The following AXDND1 variants were observed in gnomAD, a reference collection of about 807,000 sequenced individuals.
AXDND1 encodes axonemal dynein light chain domain-containing protein 1.
Under a neutral mutation model 137.5 loss-of-function variants are expected in AXDND1, and 110 were observed. That is an observed-to-expected ratio of 0.80 (90% CI 0.69 to 0.94). AXDND1 has a LOEUF of 0.94. Ranked by LOEUF, AXDND1 falls within the 40% of genes least tolerant of loss-of-function variation. The pLI is 0.00. For synonymous variants in AXDND1, 414 were observed against 399.7 expected (o/e 1.04, Z -0.43); for missense variants, 1,191 against 1,169.8 (o/e 1.02, Z -0.26).
intron 2 of AXDND1, among the ~76,000 whole-genome samples, chr1:179,367,860 C>A (rs897676224): frequency 1.3e-5 from 2 of 152,140 alleles, no homozygotes; most frequent in Non-Finnish European, 2.9e-5. Context: ...TTAAGATTTT[C>A]GTTCATATGC....
chr1:179,446,416 A>T (rs999222934), intron 16 of AXDND1, among the ~76,000 whole-genome samples: 1 of 152,220 alleles, frequency 6.6e-6, no homozygotes, highest in Non-Finnish European at 1.5e-5. Context: ...GTAACATTCT[A>T]TATAAGTGGT....
chr1:179,488,239 G>A (rs1299099655), intron 18 of AXDND1, among the ~76,000 whole-genome samples: 1 of 147,968 alleles, frequency 6.8e-6, no homozygotes, highest in Non-Finnish European at 1.5e-5. Context: ...TTATATATAT[G>A]TAGATTTTAG....
chr1:179,461,952 CAAT>C (rs1662385382), intron 16 of AXDND1, among the ~76,000 whole-genome samples: 1 of 152,106 alleles, frequency 6.6e-6, no homozygotes, highest in Non-Finnish European at 1.5e-5. Flanking sequence ...TGGGCTGAGA[CAAT>C]GAGGTTTTCT....
At chr1:179,533,971 T>A in intron 24 of AXDND1, 94 bp downstream of exon 24, 1 of 1,029,102 alleles carries the variant, frequency 9.7e-7, no homozygotes, top group African/African-American at 1.6e-5. Context: ...CCTTTGGCTC[T>A]CCTGCTTTCT....
intron 6 of AXDND1, among the ~76,000 whole-genome samples, chr1:179,379,688 G>A (rs1020052789): frequency 4.0e-5 from 6 of 150,082 alleles, no homozygotes; most frequent in African/African-American, 7.4e-5. Flanking sequence ...CCCAGCTACT[G>A]GGGAGGCTGA....
At chr1:179,451,669 T>A (rs1558197661) in intron 16 of AXDND1, 1 of 152,244 alleles carries the variant, frequency 6.6e-6, no homozygotes, top group Non-Finnish European at 1.5e-5. Flanking sequence ...CCCATGCTGT[T>A]CTCATGATAG....
intron 16 of AXDND1, chr1:179,449,133 A>G (rs1032780540): frequency 1.5e-5 from 7 of 454,176 alleles, no homozygotes; most frequent in Non-Finnish European, 2.2e-5. Flanking sequence ...CGATCATCCC[A>G]CTTCAGCCCC....
chr1:179,390,649 T>C (rs928491967), intron 9 of AXDND1, among the ~76,000 whole-genome samples: 1 of 149,542 alleles, frequency 6.7e-6, no homozygotes, highest in Admixed American at 6.8e-5. Context: ...TTATTTTTGT[T>C]TTACGTCTAA....
chr1:179,411,328 T>A, intron 12 of AXDND1, 62 bp downstream of exon 12: 8 of 1,523,736 alleles, frequency 5.3e-6, no homozygotes, highest in Non-Finnish European at 7.0e-6. Context: ...TTCTACAGTT[T>A]TAAAATTTGT....
chr1:179,548,479 A>G (rs1672848390), intron 25 of AXDND1, among the ~76,000 whole-genome samples: 1 of 152,196 alleles, frequency 6.6e-6, no homozygotes, highest in Admixed American at 6.5e-5. Flanking sequence ...GTGCTGTAAT[A>G]TCTTTCCAAG....
chr1:179,400,063 C>T (rs376658718), intron 11 of AXDND1, among the ~76,000 whole-genome samples: 1 of 152,188 alleles, frequency 6.6e-6, no homozygotes, highest in Admixed American at 6.5e-5. Context: ...CCAGCAATCT[C>T]ACTACTGGGT....
At chr1:179,474,955 A>G (rs1472083024) in intron 17 of AXDND1, among the ~76,000 whole-genome samples, 1 of 152,220 alleles carries the variant, frequency 6.6e-6, no homozygotes, top group East Asian at 1.9e-4. Context: ...GCCTTGGGAC[A>G]TGGCGTCCTG....
rs142581002 is a variant in AXDND1, at chr1:179,395,217, G to A, written c.1109+15G>A. On this transcript the variant is annotated intron_variant, in intron 11 of 25. Coordinates refer to ENST00000367618, the MANE Select transcript of AXDND1 (RefSeq NM_144696.6). ...AAGAATGCCAAGTGAGTTGCTTAAA[G>A]TTTGTTTAGCTTACATAGGGGAAAA... The A allele has an allele frequency of 4.2e-3, 6,731 of 1,604,942 alleles. 396 individuals are homozygous for A. The Admixed American group carries it at 0.1, about 25-fold the overall frequency.
intron 25 of AXDND1, among the ~76,000 whole-genome samples, chr1:179,550,080 G>A (rs573358327): frequency 1.2e-4 from 19 of 152,156 alleles, no homozygotes; most frequent in East Asian, 7.7e-4. Context: ...TCCATATTTC[G>A]GCACCCCTGC....
chr1:179,538,336 T>C (rs1671761756), intron 25 of AXDND1, among the ~76,000 whole-genome samples: 1 of 152,236 alleles, frequency 6.6e-6, no homozygotes, highest in South Asian at 2.1e-4. Context: ...TTTAGTGATA[T>C]AAATTTCCCT....
chr1:179,504,871 CTG>C (rs1287783113), intron 20 of AXDND1, among the ~76,000 whole-genome samples: 1 of 152,222 alleles, frequency 6.6e-6, no homozygotes, highest in Non-Finnish European at 1.5e-5. Flanking sequence ...AAGGCTGTAA[CTG>C]AGCCTATGCA....
chr1:179,457,190 G>T, intron 16 of AXDND1: 1 of 762,216 alleles, frequency 1.3e-6, no homozygotes, highest in Non-Finnish European at 2.4e-6. Context: ...CTTGGTATTT[G>T]GATCTCATTA....
At chr1:179,402,788 A>G (rs1362234724) in intron 11 of AXDND1, among the ~76,000 whole-genome samples, 1 of 152,036 alleles carries the variant, frequency 6.6e-6, no homozygotes. Context: ...TGTCATACTC[A>G]TTGTCTTTAT....
chr1:179,517,725 C>G (rs1259924448), intron 21 of AXDND1, among the ~76,000 whole-genome samples: 1 of 152,226 alleles, frequency 6.6e-6, no homozygotes, highest in East Asian at 1.9e-4. Flanking sequence ...TTCAGTTTCC[C>G]CAGTGGGGGT....
Sources: allele counts gnomAD v4.1 joint callset (sites outside exome capture counted in the v4.1 genomes callset), GRCh38; gene constraint gnomAD v4.1.1; transcripts MANE v1.5; gene names NCBI Gene and HGNC (gene_info 2026-07-23, HGNC 2026-07-21).